The following KRABD1 variants were observed in gnomAD, a reference collection of about 807,000 sequenced individuals.
KRABD1 encodes the protein KRAB domain containing 1.
At chr3:42,939,159 C>T in the KRABD1 span, among the ~76,000 whole-genome samples, 231 of 152,188 alleles carry the variant, frequency 1.5e-3, 3 homozygotes, top group East Asian at 0.032. Context: ...TGTATGACCT[C>T]ACTCATAGAA....
At chr3:42,942,253 A>G in the KRABD1 span, among the ~76,000 whole-genome samples, 2 of 151,968 alleles carry the variant, frequency 1.3e-5, no homozygotes, top group Admixed American at 1.3e-4. Context: ...AGTACACAAC[A>G]CTCTTCTTCT....
At chr3:42,938,939 GT>G in the KRABD1 span, 2 of 1,529,386 alleles carry the variant, frequency 1.3e-6, no homozygotes, top group East Asian at 2.4e-5. Context: ...CAGGTGAGCT[GT>G]TTTTTTCTAT....
At chr3:42,941,117 C>A in the KRABD1 span, 2 of 1,046,486 alleles carry the variant, frequency 1.9e-6, no homozygotes, top group Non-Finnish European at 2.7e-6. Context: ...GTGAAGGACC[C>A]AATACTGAAT....
At chr3:42,936,499 G>A in the KRABD1 span, 1 of 152,266 alleles carries the variant, frequency 6.6e-6, no homozygotes, top group Non-Finnish European at 1.5e-5. Flanking sequence ...CGAGGGAGGC[G>A]GGTGTGGCTA....
the KRABD1 span, chr3:42,942,219 T>C: frequency 3.1e-6 from 2 of 645,794 alleles, no homozygotes; most frequent in Non-Finnish European, 5.5e-6. Context: ...GTGTTATTCA[T>C]AGCTTCCCAT....
chr3:42,939,726 G>A, the KRABD1 span, among the ~76,000 whole-genome samples: 7 of 152,124 alleles, frequency 4.6e-5, no homozygotes, highest in South Asian at 2.1e-4. Flanking sequence ...GTTGTCACTC[G>A]TTTGCAGTAT....
the KRABD1 span, chr3:42,941,431 T>A: frequency 7.1e-7 from 1 of 1,406,052 alleles, no homozygotes. Context: ...TGACCCCAAA[T>A]AGCGATGTCA....
At chr3:42,941,966 A>C in the KRABD1 span, 3 of 1,534,420 alleles carry the variant, frequency 2.0e-6, no homozygotes, top group East Asian at 2.4e-5. Context: ...AGTGCCACCC[A>C]CTTCCAAACC....
chr3:42,941,255 G>A, the KRABD1 span: 2 of 1,576,836 alleles, frequency 1.3e-6, no homozygotes, highest in Non-Finnish European at 1.7e-6. Flanking sequence ...ACGTGGCTGT[G>A]TACTTCACTA....
At chr3:42,942,701 C>T in the KRABD1 span, 4 of 578,644 alleles carry the variant, frequency 6.9e-6, no homozygotes, top group African/African-American at 7.6e-5. Flanking sequence ...TAAGAGCCAC[C>T]TTAAACGATG....
At chr3:42,940,348 A>T in the KRABD1 span, among the ~76,000 whole-genome samples, 1 of 152,236 alleles carries the variant, frequency 6.6e-6, no homozygotes, top group Admixed American at 6.5e-5. Flanking sequence ...TGTCTGAACC[A>T]GTATTCCATG....
chr3:42,941,276 G>T, the KRABD1 span: 6 of 1,592,344 alleles, frequency 3.8e-6, no homozygotes, highest in Non-Finnish European at 3.4e-6. Flanking sequence ...CGAAGGAATG[G>T]GCCATCATGG....
the KRABD1 span, chr3:42,942,027 C>T: frequency 6.5e-7 from 1 of 1,536,024 alleles, no homozygotes; most frequent in Non-Finnish European, 8.7e-7. Flanking sequence ...TTCACCCAGC[C>T]ACAGGGAGTC....
the KRABD1 span, chr3:42,938,150 A>G: frequency 1.3e-5 from 2 of 152,224 alleles, no homozygotes. Flanking sequence ...TTGTTTCCTT[A>G]TACTATAACA....
chr3:42,938,843 C>T, the KRABD1 span: 3 of 1,340,510 alleles, frequency 2.2e-6, no homozygotes, highest in Admixed American at 2.1e-5. Flanking sequence ...TTTTTCTTTA[C>T]CTTCAGCACC....
chr3:42,939,537 T>C, the KRABD1 span, among the ~76,000 whole-genome samples: 7 of 152,210 alleles, frequency 4.6e-5, no homozygotes, highest in Non-Finnish European at 8.8e-5. Context: ...TTCTTATCTT[T>C]TTGTGGACAT....
chr3:42,938,504 A>T, the KRABD1 span: 5 of 186,466 alleles, frequency 2.7e-5, no homozygotes, highest in Middle Eastern at 2.4e-3. Context: ...TATGGATTTC[A>T]GGGATCTTAA....
At chr3:42,941,177 CCAT>C in the KRABD1 span, 1 of 1,520,108 alleles carries the variant, frequency 6.6e-7, no homozygotes, top group Non-Finnish European at 8.8e-7. Context: ...GCAGATTTGA[CCAT>C]CACCAAAGTA....
At chr3:42,942,394 G>T in the KRABD1 span, 1 of 453,430 alleles carries the variant, frequency 2.2e-6, no homozygotes, top group East Asian at 3.2e-5. Context: ...ACTTGGTGCA[G>T]TATTATCTTG....
Sources: allele counts gnomAD v4.1 joint callset (sites outside exome capture counted in the v4.1 genomes callset), GRCh38; gene constraint gnomAD v4.1.1; transcripts MANE v1.5; gene names NCBI Gene and HGNC (gene_info 2026-07-23, HGNC 2026-07-21).